CACNA2D3: variants seen among roughly 807,000 people sequenced by gnomAD.
The protein encoded by CACNA2D3 is calcium voltage-gated channel auxiliary subunit alpha2delta 3.
CACNA2D3 carries 60 observed loss-of-function variants against 160.6 expected under a neutral mutation model. That is an observed-to-expected ratio of 0.37 (90% CI 0.30 to 0.46). The LOEUF is 0.46. Ranked by LOEUF, CACNA2D3 falls within the 20% of genes least tolerant of loss-of-function variation. The pLI is 1.00. For synonymous variants in CACNA2D3, 558 were observed against 492.9 expected (o/e 1.13, Z -1.75); for missense variants, 1,205 against 1,365.0 (o/e 0.88, Z 1.85).
intron 11 of CACNA2D3, among the ~76,000 whole-genome samples, chr3:54,685,552 A>T (rs922815103): frequency 3.3e-5 from 5 of 152,232 alleles, no homozygotes; most frequent in Admixed American, 1.3e-4. Flanking sequence ...AGTGACTAAG[A>T]AACAGATCCT....
intron 14 of CACNA2D3, among the ~76,000 whole-genome samples, chr3:54,822,823 C>CTTTCT (rs1553874366): frequency 2.2e-5 from 2 of 91,328 alleles, no homozygotes; most frequent in Non-Finnish European, 2.1e-5. Context: ...TTCTTTCTTT[C>CTTTCT]TTTCTTTCTT....
intron 26 of CACNA2D3, 25 bp from the exon 27 acceptor site, chr3:54,899,763 G>C: frequency 6.6e-7 from 1 of 1,518,388 alleles, no homozygotes; most frequent in Non-Finnish European, 9.1e-7. Context: ...CTTCATTTTT[G>C]TTGTGGTGTT....
chr3:54,746,221 C>CTG (rs1559567328), intron 11 of CACNA2D3, among the ~76,000 whole-genome samples: 3 of 152,136 alleles, frequency 2.0e-5, no homozygotes, highest in Non-Finnish European at 2.9e-5. Context: ...AGGTTCCAAC[C>CTG]CTTATCTTCT....
intron 3 of CACNA2D3, among the ~76,000 whole-genome samples, chr3:54,339,446 A>G (rs1704467396): frequency 6.6e-6 from 1 of 151,802 alleles, no homozygotes. Context: ...ATTTTCTCTC[A>G]TGTTGTCTTG....
chr3:54,622,727 T>C (rs920489312), intron 9 of CACNA2D3, among the ~76,000 whole-genome samples: 1 of 152,186 alleles, frequency 6.6e-6, no homozygotes, highest in East Asian at 1.9e-4. Context: ...AAATCTGTAG[T>C]GATGCAGAGG....
At chr3:54,514,772 G>A (rs1221455953) in intron 5 of CACNA2D3, among the ~76,000 whole-genome samples, 1 of 152,164 alleles carries the variant, frequency 6.6e-6, no homozygotes, top group African/African-American at 2.4e-5. Context: ...CCAGGGGCTG[G>A]GGTGGGGTGG....
chr3:54,375,295 T>C (rs745772609), intron 3 of CACNA2D3, among the ~76,000 whole-genome samples: 7 of 152,218 alleles, frequency 4.6e-5, no homozygotes, highest in Non-Finnish European at 7.3e-5. Flanking sequence ...CAGCTGTGTC[T>C]TATAAACCTT....
intron 4 of CACNA2D3, among the ~76,000 whole-genome samples, chr3:54,502,040 T>G (rs1454590796): frequency 6.6e-6 from 1 of 152,210 alleles, no homozygotes; most frequent in Non-Finnish European, 1.5e-5. Flanking sequence ...TCCCACCCTC[T>G]TTCTGGTTTC....
chr3:55,004,623 T>TTCATC, intron 31 of CACNA2D3, 140 bp from the exon 32 acceptor site: 1 of 600,480 alleles, frequency 1.7e-6, no homozygotes. Flanking sequence ...AGGCTCCTTG[T>TTCATC]TCATCATCCA....
At chr3:54,834,784 T>C (rs1478051018) in intron 14 of CACNA2D3, among the ~76,000 whole-genome samples, 1 of 152,134 alleles carries the variant, frequency 6.6e-6, no homozygotes, top group Non-Finnish European at 1.5e-5. Flanking sequence ...GGTTACACAA[T>C]TGTGGGGCTG....
intron 2 of CACNA2D3, among the ~76,000 whole-genome samples, chr3:54,248,579 C>G (rs1047576526): frequency 1.3e-5 from 2 of 151,424 alleles, no homozygotes; most frequent in African/African-American, 2.4e-5. Context: ...GGAAGAAATA[C>G]CAGGAATCCA....
intron 27 of CACNA2D3, among the ~76,000 whole-genome samples, chr3:54,952,446 C>T (rs1484032599): frequency 2.0e-5 from 3 of 152,136 alleles, no homozygotes; most frequent in Non-Finnish European, 2.9e-5. Flanking sequence ...CTCTCAGAGA[C>T]AGATCAGTTC....
In CACNA2D3 at chr3:54,654,650, G is replaced by A. The variant is rs537285536; in HGVS notation, c.1167+12409G>A. ...CCCGGACCTCTGGCAAGGGCATGCCGGCGGGCAAGTGCTAAGGTCTCTGAG... is the reference window on the plus strand; with the variant it reads ...CCCGGACCTCTGGCAAGGGCATGCCAGCGGGCAAGTGCTAAGGTCTCTGAG... On this transcript the variant is annotated intron_variant, in intron 11 of 37. Coordinates refer to ENST00000474759, the MANE Select transcript of CACNA2D3 (RefSeq NM_018398.3). Among the ~76,000 whole-genome samples, 13 of 152,250 alleles carry A rather than the reference G, an allele frequency of 8.5e-5. No individual in the cohort carries two copies. The South Asian group carries it at 2.3e-3, about 27-fold the overall frequency.
At chr3:54,919,434 G>A (rs900054560) in intron 27 of CACNA2D3, among the ~76,000 whole-genome samples, 4 of 152,200 alleles carry the variant, frequency 2.6e-5, no homozygotes, top group Non-Finnish European at 5.9e-5. Context: ...CTGTGGATTT[G>A]ACAATACTGG....
intron 28 of CACNA2D3, 41 bp downstream of exon 28, chr3:54,968,552 T>C (rs1224454270): frequency 6.8e-7 from 1 of 1,471,126 alleles, no homozygotes; most frequent in Admixed American, 1.8e-5. Context: ...GCGACACTGT[T>C]ATTATACAGG....
chr3:54,614,985 T>G (rs916307044), intron 9 of CACNA2D3, among the ~76,000 whole-genome samples: 1 of 152,090 alleles, frequency 6.6e-6, no homozygotes, highest in African/African-American at 2.4e-5. Context: ...GTGTGGGAGA[T>G]CCTCATTGAT....
chr3:54,293,323 C>T (rs72986080), intron 2 of CACNA2D3, among the ~76,000 whole-genome samples: 3,102 of 152,124 alleles, frequency 0.02, 94 homozygotes, highest in African/African-American at 0.071. Context: ...ACACGGTACC[C>T]GATGTGTAGT....
At chr3:54,149,070 G>A (rs1190608864) in intron 2 of CACNA2D3, among the ~76,000 whole-genome samples, 2 of 151,928 alleles carry the variant, frequency 1.3e-5, no homozygotes, top group African/African-American at 2.4e-5. Context: ...AGACAGTCCA[G>A]TGGTGAAGGT....
intron 35 of CACNA2D3, among the ~76,000 whole-genome samples, chr3:55,032,784 G>A (rs928701171): frequency 3.3e-5 from 5 of 152,118 alleles, no homozygotes; most frequent in Non-Finnish European, 5.9e-5. Flanking sequence ...CAATAGCTGG[G>A]AGGTCTTATA....
Sources: allele counts gnomAD v4.1 joint callset (sites outside exome capture counted in the v4.1 genomes callset), GRCh38; gene constraint gnomAD v4.1.1; transcripts MANE v1.5; gene names NCBI Gene and HGNC (gene_info 2026-07-23, HGNC 2026-07-21).